Variants in KDM1A observed in about 807,000 individuals in gnomAD.
KDM1A encodes lysine demethylase 1A.
A neutral mutation model predicts 109.4 loss-of-function variants in KDM1A; 49 were observed. That is an observed-to-expected ratio of 0.45 (90% CI 0.36 to 0.57). The LOEUF is 0.57. Ranked by LOEUF, KDM1A falls within the 20% of genes least tolerant of loss-of-function variation. The pLI is 0.00. For missense variants in KDM1A, 668 were observed against 1,116.6 expected (o/e 0.60, Z 5.73); for synonymous variants, 380 against 415.4 (o/e 0.91, Z 1.04).
Position 23,080,512 on chromosome 1 carries a change from A to G in KDM1A, c.2170+845A>G, listed in dbSNP as rs185704667. 4.6e-5 allele frequency among the ~76,000 whole-genome samples: 7 copies of G among 152,244 alleles called. No homozygotes were observed. The East Asian group carries it at 1.3e-3, about 29-fold the overall frequency. On this transcript the variant is annotated intron_variant, in intron 18 of 20. Transcript: ENST00000400181. ...TTCCTGCTTCTTTTAGTGACTTTCT[A>G]CTGCTGAAAGAAAATGTTCAAACTC...
chr1:23,029,936 G>A (rs1641928998), intron 1 of KDM1A, among the ~76,000 whole-genome samples: 2 of 152,198 alleles, frequency 1.3e-5, no homozygotes, highest in Non-Finnish European at 2.9e-5. Context: ...CACTGCACCT[G>A]GCCTCTCCTA....
intron 3 of KDM1A, among the ~76,000 whole-genome samples, chr1:23,045,787 A>C (rs912835290): frequency 6.6e-6 from 1 of 152,164 alleles, no homozygotes; most frequent in Non-Finnish European, 1.5e-5. Flanking sequence ...TGTTAGTAGA[A>C]CATGAATTTT....
chr1:23,057,645 A>G, intron 8 of KDM1A, 80 bp downstream of exon 8: 1 of 1,043,338 alleles, frequency 9.6e-7, no homozygotes, highest in Non-Finnish European at 1.5e-6. Context: ...ATGCTATTTT[A>G]AAATGTATTG....
chr1:23,046,534 A>G (rs1357680319), intron 3 of KDM1A, among the ~76,000 whole-genome samples: 5 of 152,268 alleles, frequency 3.3e-5, no homozygotes, highest in East Asian at 3.9e-4. Context: ...TTATATCTCT[A>G]TTACCTTACT....
At chr1:23,039,241 C>T (rs1235621338) in intron 2 of KDM1A, among the ~76,000 whole-genome samples, 1 of 152,154 alleles carries the variant, frequency 6.6e-6, no homozygotes, top group Non-Finnish European at 1.5e-5. Flanking sequence ...GTCTTCTGAA[C>T]TTAAAACCCT....
intron 1 of KDM1A, among the ~76,000 whole-genome samples, chr1:23,028,405 T>C (rs1001537745): frequency 3.3e-5 from 5 of 152,252 alleles, no homozygotes; most frequent in African/African-American, 9.6e-5. Flanking sequence ...AGACTTGATA[T>C]TGGATACTTT....
Position 23,077,351 on chromosome 1 carries a change from A to G in KDM1A, c.1858A>G (p.Thr620Ala). 2 of 1,612,742 alleles carry G rather than the reference A, an allele frequency of 1.2e-6. No homozygotes were observed. The highest frequency in any genetic ancestry group is 1.7e-6 in the Non-Finnish European group (2 of 1,179,066). ...LNTAVRQVRY[T>A]ASGCEVIAVN... ...TACAGCAGTGCGACAGGTTCGCTAC[A>G]CGGCTTCAGGTATGTCACTGCTTTA... The change falls in exon 16 of 21, where the codon ACG becomes GCG. Residue 620 changes from threonine (T) to alanine (A), a missense_variant. Physicochemically the swap from Thr to Ala is moderately conservative, Grantham distance 58. This residue lies in a region of KDM1A where 162 missense variants were observed against 376.4 expected (regional missense o/e 0.43). Transcript: ENST00000400181.
intron 8 of KDM1A, among the ~76,000 whole-genome samples, 156 bp from the exon 9 acceptor site, chr1:23,058,917 A>C (rs1007020144): frequency 1.3e-5 from 2 of 151,596 alleles, no homozygotes; most frequent in African/African-American, 4.9e-5. Context: ...TGTTTGTCTT[A>C]CATATTTTTA....
At chr1:23,051,356 A>G (rs1642664193) in intron 4 of KDM1A, among the ~76,000 whole-genome samples, 1 of 152,216 alleles carries the variant, frequency 6.6e-6, no homozygotes, top group Non-Finnish European at 1.5e-5. Flanking sequence ...TCCTTATGAT[A>G]GAATTATAGA....
intron 7 of KDM1A, among the ~76,000 whole-genome samples, chr1:23,056,404 T>C (rs1642832141): frequency 6.6e-6 from 1 of 152,118 alleles, no homozygotes; most frequent in Non-Finnish European, 1.5e-5. Flanking sequence ...AAAAAGCTGC[T>C]TCTCAGGCAG....
chr1:23,069,835 A>G (rs1643267187), intron 12 of KDM1A, among the ~76,000 whole-genome samples: 1 of 152,238 alleles, frequency 6.6e-6, no homozygotes, highest in Non-Finnish European at 1.5e-5. Context: ...CCAGCGCATT[A>G]AAGTCCAACC....
chr1:23,039,042 G>A (rs149296300), intron 2 of KDM1A, among the ~76,000 whole-genome samples: 2 of 152,256 alleles, frequency 1.3e-5, no homozygotes, highest in East Asian at 1.9e-4. Flanking sequence ...ATGTTCATGA[G>A]ATTAATCATG....
At chr1:23,073,156 CT>C (rs1471535731) in intron 14 of KDM1A, 135 bp from the exon 15 acceptor site, 5 of 560,556 alleles carry the variant, frequency 8.9e-6, no homozygotes, top group African/African-American at 7.5e-5. Flanking sequence ...TAAGATGCTA[CT>C]TTTTGATTTG....
intron 16 of KDM1A, among the ~76,000 whole-genome samples, chr1:23,078,613 A>G (rs559079294): frequency 1.7e-4 from 26 of 152,206 alleles, no homozygotes; most frequent in Admixed American, 3.9e-4. Context: ...GCAGCTAACC[A>G]CAGTCAGAAG....
rs1414248830 is a variant in KDM1A, at chr1:23,072,325, AAATG to A, written c.1622+133_1622+136del. On this transcript the variant is annotated intron_variant, in intron 14 of 20. Coordinates refer to ENST00000400181, the MANE Select transcript of KDM1A (RefSeq NM_001009999.3). ...CAGTGAGTGGTTTAAATTGTTAAATAAATGAATGTGTGACTACTTTTGAGGTTTC... is the reference window on the plus strand; with the variant it reads ...CAGTGAGTGGTTTAAATTGTTAAATAAATGTGTGACTACTTTTGAGGTTTC... 7.2e-6 allele frequency: 5 copies of A among 690,630 alleles called. No homozygotes were observed. In the African/African-American group the frequency reaches 9.0e-5, roughly 12 times the overall value. 42.8% of individuals were successfully genotyped at this position (690,630 alleles called of 1,614,324 possible). A position where few individuals can be genotyped will look rare whatever the true frequency, so the allele number is the denominator to read the frequency against.
intron 3 of KDM1A, among the ~76,000 whole-genome samples, chr1:23,046,573 C>T (rs1382891906): frequency 1.3e-5 from 2 of 152,118 alleles, no homozygotes; most frequent in Non-Finnish European, 2.9e-5. Flanking sequence ...ATATCTTACA[C>T]GAATCAAGAG....
intron 15 of KDM1A, among the ~76,000 whole-genome samples, chr1:23,076,023 TTAGAGA>T (rs1370832169): frequency 3.3e-5 from 5 of 152,224 alleles, no homozygotes; most frequent in African/African-American, 4.8e-5. Flanking sequence ...GTTGGACTTG[TTAGAGA>T]TAAAGTCTTG....
intron 18 of KDM1A, among the ~76,000 whole-genome samples, chr1:23,080,189 C>T (rs1475981005): frequency 6.6e-6 from 1 of 152,198 alleles, no homozygotes; most frequent in African/African-American, 2.4e-5. Flanking sequence ...GACACATCAG[C>T]TAACCGTTGG....
At chr1:23,068,913 A>G in intron 11 of KDM1A, 148 bp from the exon 12 acceptor site, 1 of 628,760 alleles carries the variant, frequency 1.6e-6, no homozygotes, top group Non-Finnish European at 2.7e-6. Context: ...AACATAGCCT[A>G]GGAAATAATT....
Sources: gnomAD v4.1 joint callset for allele counts (sites outside exome capture counted in the v4.1 genomes callset) on GRCh38, gnomAD v4.1.1 for gene constraint, gnomAD v4.1.1 regional missense constraint, MANE v1.5 for transcripts, NCBI Gene and HGNC (gene_info 2026-07-23, HGNC 2026-07-21) for gene names.